Variants in NRXN1 observed in about 807,000 individuals in gnomAD.
NRXN1 encodes the protein neurexin 1, also known as neurexin-1.
In NRXN1, 39 loss-of-function variants were observed where a neutral mutation model predicts 150.9. The ratio of observed to expected loss-of-function variants is 0.26; its 90% confidence interval spans 0.20 to 0.34. NRXN1 has a LOEUF of 0.34. Among genes scored for constraint, NRXN1 ranks in the 10% least tolerant of loss-of-function variants. The pLI, the probability that NRXN1 is intolerant of heterozygous loss-of-function variation, is 1.00. For synonymous variants in NRXN1, 924 were observed against 757.0 expected (o/e 1.22, Z -3.62); for missense variants, 1,815 against 1,949.9 (o/e 0.93, Z 1.30).
chr2:50,322,653 T>G (rs1260375053), intron 17 of NRXN1, among the ~76,000 whole-genome samples: 1 of 152,222 alleles, frequency 6.6e-6, no homozygotes, highest in African/African-American at 2.4e-5. Context: ...CACCAAGATT[T>G]ATTTGTAAAT....
At chr2:50,979,186 T>C in intron 2 of NRXN1, 1 of 498,868 alleles carries the variant, frequency 2.0e-6, no homozygotes, top group Non-Finnish European at 4.0e-6. Context: ...CGTATGTAAT[T>C]TAATTACAGA....
At chr2:50,281,084 C>A (rs1322764892) in intron 17 of NRXN1, among the ~76,000 whole-genome samples, 3 of 149,104 alleles carry the variant, frequency 2.0e-5, no homozygotes, top group Non-Finnish European at 4.4e-5. Flanking sequence ...GCGGGCAGAT[C>A]ACGAGGTCAG....
intron 8 of NRXN1, among the ~76,000 whole-genome samples, chr2:50,578,612 T>C (rs943116589): frequency 6.6e-6 from 1 of 152,170 alleles, no homozygotes; most frequent in African/African-American, 2.4e-5. Flanking sequence ...TGTGTGTAGC[T>C]GTGCATGTGT....
intron 17 of NRXN1, among the ~76,000 whole-genome samples, chr2:50,321,497 G>T (rs752745476): frequency 7.2e-5 from 11 of 152,100 alleles, no homozygotes; most frequent in Non-Finnish European, 1.6e-4. Context: ...GAACTTTAAA[G>T]AGTTTAAACA....
At chr2:51,022,282 G>T (rs749877810) in intron 2 of NRXN1, among the ~76,000 whole-genome samples, 5 of 152,008 alleles carry the variant, frequency 3.3e-5, no homozygotes, top group African/African-American at 4.8e-5. Flanking sequence ...TTTCTTAAGA[G>T]CACTAAGAAG....
rs928586120 is a variant in NRXN1 at position 50,570,612 on chromosome 2, G to T, written c.1321-17587C>A. The stretch of plus-strand genomic sequence containing the variant: ...GCAGAAAGCAACTGTAAGCCCAGGA[G>T]CTATGTTGACATGTGTCTCACTGGT... On this transcript the variant is annotated intron_variant, in intron 8 of 22. Transcript: ENST00000401669. Among the ~76,000 whole-genome samples the T allele has an allele frequency of 9.2e-5, 14 of 152,200 alleles. No homozygotes were observed. In the South Asian group the frequency reaches 2.5e-3, roughly 27 times the overall value.
At chr2:50,798,850 T>A (rs1482439569) in intron 5 of NRXN1, among the ~76,000 whole-genome samples, 1 of 152,226 alleles carries the variant, frequency 6.6e-6, no homozygotes, top group Non-Finnish European at 1.5e-5. Context: ...ATCAGCAGAT[T>A]AGAAGATCTT....
At position 50,347,291 on chromosome 2, in the gene NRXN1, C is replaced by A. The variant is rs1490163150; in HGVS notation, c.3365-110321G>T. ...AGAGATACTCCCAAAGAGTTTCGGG[C>A]GAGAGTGCGTGCCGGCGGGTGGGGG... On this transcript the variant is annotated intron_variant, in intron 17 of 22. Transcript: ENST00000401669. This position sits in a 1 kb window ranked among gnomAD's most constrained non-coding sequence, Gnocchi z 4.9. The A allele has an allele frequency of 6.2e-6, 8 of 1,285,094 alleles. No individual in the cohort carries two copies. The highest frequency in any genetic ancestry group is 6.1e-5 in the African/African-American group (4 of 65,208). 79.6% of individuals were successfully genotyped at this position (1,285,094 alleles called of 1,614,324 possible). A position where few individuals can be genotyped will look rare whatever the true frequency, so the allele number is the denominator to read the frequency against.
intron 5 of NRXN1, among the ~76,000 whole-genome samples, chr2:50,849,865 C>T (rs192587394): frequency 6.6e-6 from 1 of 152,246 alleles, no homozygotes; most frequent in Non-Finnish European, 1.5e-5. Context: ...CCCCAGTACA[C>T]ACACACACAT....
chr2:50,268,239 G>A (rs1182643278), intron 17 of NRXN1, among the ~76,000 whole-genome samples: 1 of 151,988 alleles, frequency 6.6e-6, no homozygotes, highest in Non-Finnish European at 1.5e-5. Flanking sequence ...AACCTGAGCT[G>A]GCATTTGAAA....
intron 8 of NRXN1, among the ~76,000 whole-genome samples, chr2:50,578,504 G>A (rs1041891936): frequency 1.3e-5 from 2 of 152,192 alleles, no homozygotes; most frequent in African/African-American, 2.4e-5. Flanking sequence ...GAATGGTAAC[G>A]TCTTTCAAAA....
intron 22 of NRXN1, among the ~76,000 whole-genome samples, chr2:49,930,762 T>C (rs958761346): frequency 1.3e-5 from 2 of 152,192 alleles, no homozygotes; most frequent in African/African-American, 4.8e-5. Flanking sequence ...GGCTGAAAAC[T>C]GCATGTTTTA....
At chr2:49,949,394 T>C (rs898869903) in intron 21 of NRXN1, among the ~76,000 whole-genome samples, 3 of 151,976 alleles carry the variant, frequency 2.0e-5, no homozygotes, top group Non-Finnish European at 4.4e-5. Context: ...GGTAAAAATA[T>C]ACAAGGAAAG....
chr2:50,734,676 C>T (rs558216365), intron 5 of NRXN1, among the ~76,000 whole-genome samples: 2 of 151,172 alleles, frequency 1.3e-5, no homozygotes, highest in Admixed American at 1.3e-4. Flanking sequence ...CTTTTTCTGG[C>T]AGTGTACCTA....
At chr2:50,144,845 T>C (rs17039989) in intron 18 of NRXN1, among the ~76,000 whole-genome samples, 3,793 of 151,880 alleles carry the variant, frequency 0.025, 152 homozygotes, top group African/African-American at 0.087. Context: ...TGTAACACTG[T>C]ATACAACATG....
chr2:50,037,182 G>A (rs1172434463), intron 21 of NRXN1, among the ~76,000 whole-genome samples: 2 of 151,592 alleles, frequency 1.3e-5, no homozygotes, highest in Non-Finnish European at 1.5e-5. Flanking sequence ...AACTATACAG[G>A]GCTAAAACAT....
At chr2:50,823,737 T>C (rs1279641029) in intron 5 of NRXN1, among the ~76,000 whole-genome samples, 1 of 152,174 alleles carries the variant, frequency 6.6e-6, no homozygotes, top group African/African-American at 2.4e-5. Flanking sequence ...CCACAGTAAA[T>C]GTCCAGTAAT....
chr2:50,613,594 AT>A (rs949873776), intron 8 of NRXN1, among the ~76,000 whole-genome samples: 4 of 152,134 alleles, frequency 2.6e-5, no homozygotes, highest in African/African-American at 9.7e-5. Flanking sequence ...ACTTCTTTGC[AT>A]TTTCTCATAG....
chr2:51,018,882 G>A (rs1361583284), intron 2 of NRXN1, among the ~76,000 whole-genome samples: 1 of 152,064 alleles, frequency 6.6e-6, no homozygotes, highest in African/African-American at 2.4e-5. Flanking sequence ...GGTTATGATA[G>A]AGTAGAATCA....
Sources: allele counts gnomAD v4.1 joint callset (sites outside exome capture counted in the v4.1 genomes callset), GRCh38; gene constraint gnomAD v4.1.1; non-coding constraint Gnocchi (gnomAD v3.1); transcripts MANE v1.5; gene names NCBI Gene and HGNC (gene_info 2026-07-23, HGNC 2026-07-21).